PLCB4: variants seen among roughly 807,000 people sequenced by gnomAD.
PLCB4 encodes phospholipase C beta 4.
Under a neutral mutation model 178.8 loss-of-function variants are expected in PLCB4, and 77 were observed. The observed-to-expected ratio is 0.43, with a 90% CI of 0.36 to 0.52. The LOEUF is 0.52. Among genes scored for constraint, PLCB4 ranks in the 20% least tolerant of loss-of-function variants. The pLI is 0.00. For missense variants in PLCB4, 1,024 were observed against 1,453.4 expected, an observed-to-expected ratio of 0.70 and a Z score of 4.80; for synonymous variants, 496 against 490.8, an observed-to-expected ratio of 1.01 and a Z score of -0.14.
rs571032649 is a variant in PLCB4, at chr20:9,163,679, T to A, written c.-78-53711T>A. On this transcript the variant is annotated intron_variant, in intron 2 of 39. Transcript: ENST00000378473. ...GACAGTATCTGTTGAGTCCTAAATA[T>A]GAAAAATTTAAAACGTGAACATTCA... Among the ~76,000 whole-genome samples the A allele has an allele frequency of 3.2e-4, 48 of 152,292 alleles. 1 individual carries two copies. Among genetic ancestry groups the A allele is most frequent in the African/African-American group, 1.1e-3 (46 of 41,580 alleles).
At chr20:9,174,880 A>G (rs1221273077) in intron 2 of PLCB4, among the ~76,000 whole-genome samples, 22 of 152,214 alleles carry the variant, frequency 1.4e-4, no homozygotes, top group Non-Finnish European at 1.2e-4. Context: ...AGAAAAACTC[A>G]TCTATCCACA....
chr20:9,478,812 C>G (rs2044724599), intron 39 of PLCB4, 109 bp from the exon 40 acceptor site: 6 of 789,240 alleles, frequency 7.6e-6, no homozygotes, highest in South Asian at 7.4e-5. Context: ...TTTTGAGTAG[C>G]AAGGATGTGG....
intron 32 of PLCB4, among the ~76,000 whole-genome samples, chr20:9,449,439 C>T (rs993323994): frequency 1.3e-5 from 2 of 152,150 alleles, no homozygotes; most frequent in Non-Finnish European, 2.9e-5. Context: ...TCATCTCTAT[C>T]CACAGGCCAA....
At chr20:9,122,467 T>C (rs959897115) in intron 2 of PLCB4, among the ~76,000 whole-genome samples, 4 of 152,172 alleles carry the variant, frequency 2.6e-5, no homozygotes, top group African/African-American at 7.2e-5. Context: ...GAATCTTCTG[T>C]TACTGGATAC....
chr20:9,434,000 G>A (rs2041600098), intron 28 of PLCB4, among the ~76,000 whole-genome samples: 1 of 152,156 alleles, frequency 6.6e-6, no homozygotes, highest in Non-Finnish European at 1.5e-5. Flanking sequence ...ATATGTAGAG[G>A]TATGCTACGA....
chr20:9,086,341 A>T (rs73609405), intron 1 of PLCB4, among the ~76,000 whole-genome samples: 3,317 of 151,946 alleles, frequency 0.022, 114 homozygotes, highest in African/African-American at 0.074. Flanking sequence ...AAGGTCAGGA[A>T]CTCCTCTAGG....
At chr20:9,072,124 T>A (rs1012549107) in intron 1 of PLCB4, among the ~76,000 whole-genome samples, 7 of 152,208 alleles carry the variant, frequency 4.6e-5, no homozygotes, top group Admixed American at 4.6e-4. Context: ...TATCTGCCTG[T>A]TGGGAAATAA....
At position 9,374,121 on chromosome 20, in the gene PLCB4, C is replaced by T. The variant is rs570611117; in HGVS notation, c.744+1017C>T. ...AGACAAATTACATCTTCTTTTCTTC[C>T]GTTGTGAAGGTTCAGTGGCTTCAAA... On this transcript the variant is annotated intron_variant, in intron 12 of 39. Transcript: ENST00000378473. Among the ~76,000 whole-genome samples, 9 of 152,224 alleles carry T rather than the reference C, an allele frequency of 5.9e-5. No individual in the cohort carries two copies. In the South Asian group the frequency reaches 1.5e-3, roughly 25 times the overall value.
At chr20:9,465,988 G>A (rs1478852567) in intron 35 of PLCB4, among the ~76,000 whole-genome samples, 1 of 152,104 alleles carries the variant, frequency 6.6e-6, no homozygotes, top group African/African-American at 2.4e-5. Flanking sequence ...ACAATCCTAA[G>A]CAAAAAGAAC....
At chr20:9,455,720 A>G (rs2043017084) in intron 33 of PLCB4, among the ~76,000 whole-genome samples, 1 of 152,230 alleles carries the variant, frequency 6.6e-6, no homozygotes, top group Admixed American at 6.5e-5. Context: ...AGCATTTCCA[A>G]GTACTCTAAA....
chr20:9,347,940 C>T (rs919769036), intron 7 of PLCB4, among the ~76,000 whole-genome samples: 1 of 152,208 alleles, frequency 6.6e-6, no homozygotes, highest in African/African-American at 2.4e-5. Flanking sequence ...CGCCACTGCA[C>T]TCCAGCGTGG....
chr20:9,263,708 C>G (rs532859137), intron 3 of PLCB4, among the ~76,000 whole-genome samples: 69 of 152,240 alleles, frequency 4.5e-4, no homozygotes, highest in African/African-American at 1.6e-3. Flanking sequence ...TATCCCCTGC[C>G]CTCACTGAGC....
At chr20:9,228,321 G>T (rs150706898) in intron 3 of PLCB4, among the ~76,000 whole-genome samples, 1 of 152,308 alleles carries the variant, frequency 6.6e-6, no homozygotes, top group African/African-American at 2.4e-5. Context: ...ATGAGAGAGA[G>T]TAAGGAAGAA....
chr20:9,316,817 A>G (rs1234004873), intron 4 of PLCB4, among the ~76,000 whole-genome samples: 6 of 152,118 alleles, frequency 3.9e-5, no homozygotes, highest in African/African-American at 1.4e-4. Context: ...ACCCAAAACA[A>G]CATTCAGGCC....
rs1415657472 is a variant in PLCB4 at position 9,112,617 on chromosome 20, C to T, written c.-79+16275C>T. 2.0e-5 allele frequency among the ~76,000 whole-genome samples: 3 copies of T among 152,030 alleles called. 1 individual carries two copies. Among genetic ancestry groups the T allele is most frequent in the Admixed American group, 2.0e-4 (3 of 15,250 alleles). On this transcript the variant is annotated intron_variant, in intron 2 of 39. Coordinates refer to ENST00000378473, the MANE Select transcript of PLCB4 (RefSeq NM_001377142.1). Reference sequence around the variant, plus strand: ...GATAATGGTCAGTTCCTCAGGCATACCATATGTCTTTAAAATATTATAAAA... The same window carrying T: ...GATAATGGTCAGTTCCTCAGGCATATCATATGTCTTTAAAATATTATAAAA...
intron 20 of PLCB4, 64 bp from the exon 21 acceptor site, chr20:9,405,249 G>A (rs1173173083): frequency 2.5e-6 from 2 of 786,902 alleles, no homozygotes; most frequent in South Asian, 1.6e-5. Context: ...ATGTATGTAT[G>A]GCTAATAAAT....
chr20:9,393,561 A>C, intron 17 of PLCB4, 27 bp from the exon 18 acceptor site: 1 of 1,466,914 alleles, frequency 6.8e-7, no homozygotes, highest in South Asian at 1.1e-5. Context: ...GCCCTTCCTT[A>C]ATTCAGCTCT....
At chr20:9,214,680 T>C (rs2093710123) in intron 2 of PLCB4, among the ~76,000 whole-genome samples, 1 of 152,026 alleles carries the variant, frequency 6.6e-6, no homozygotes. Context: ...AGAATAATAG[T>C]ATTTGAAAGG....
At chr20:9,224,002 G>A (rs773085201) in intron 3 of PLCB4, among the ~76,000 whole-genome samples, 1 of 152,138 alleles carries the variant, frequency 6.6e-6, no homozygotes, top group Non-Finnish European at 1.5e-5. Flanking sequence ...GAATTATCTC[G>A]GGAATTTTCC....
Sources: gnomAD v4.1 joint callset for allele counts (sites outside exome capture counted in the v4.1 genomes callset) on GRCh38, gnomAD v4.1.1 for gene constraint, MANE v1.5 for transcripts, NCBI Gene and HGNC (gene_info 2026-07-23, HGNC 2026-07-21) for gene names.